Variants in SLC4A10 observed in about 807,000 individuals in gnomAD.
SLC4A10 encodes sodium-driven chloride bicarbonate exchanger.
Under a neutral mutation model 137.7 loss-of-function variants are expected in SLC4A10, and 42 were observed. That is an observed-to-expected ratio of 0.30 (90% CI 0.24 to 0.39). SLC4A10 has a LOEUF of 0.39. Among genes scored for constraint, SLC4A10 ranks in the 10% least tolerant of loss-of-function variants. The probability of loss-of-function intolerance (pLI) is 1.00; values close to 1 mark genes in which losing one functional copy is unlikely to be tolerated. For missense variants in SLC4A10, 925 were observed against 1,355.0 expected (o/e 0.68, Z 4.98); for synonymous variants, 474 against 464.1 (o/e 1.02, Z -0.27).
intron 10 of SLC4A10, among the ~76,000 whole-genome samples, chr2:161,889,620 G>T (rs1250532461): frequency 6.6e-6 from 1 of 152,156 alleles, no homozygotes; most frequent in Non-Finnish European, 1.5e-5. Context: ...TGTGGGATCA[G>T]TGGTGATCTC....
intron 1 of SLC4A10, among the ~76,000 whole-genome samples, chr2:161,648,846 C>T (rs1194387452): frequency 6.6e-6 from 1 of 152,088 alleles, no homozygotes; most frequent in East Asian, 1.9e-4. Flanking sequence ...GTCTGTGTAA[C>T]TATTTCTCTA....
In SLC4A10 at chr2:161,933,011, A is replaced by G. The variant is rs963407278; in HGVS notation, c.1998-9781A>G. 7.2e-5 allele frequency among the ~76,000 whole-genome samples: 11 copies of G among 152,138 alleles called. No individual in the cohort carries two copies. In the South Asian group the frequency reaches 1.2e-3, roughly 17 times the overall value. ...TGCCTGGCTTATTCCACTTAACATA[A>G]TGTCCTTGAAATTCATCCAAATTGT... is the stretch of plus-strand genomic sequence containing the variant. On this transcript the variant is annotated intron_variant, in intron 15 of 26. Transcript: ENST00000446997.
In SLC4A10 at chr2:161,910,407, A is replaced by G. The variant is rs188041422; in HGVS notation, c.1997+4520A>G. Reference sequence around the variant, plus strand: ...AAGCTGAATATGCCAAGTTAGCAATAAAAAACAAGTTTATGGGAATAATCT... The same window carrying G: ...AAGCTGAATATGCCAAGTTAGCAATGAAAAACAAGTTTATGGGAATAATCT... On this transcript the variant is annotated intron_variant, in intron 15 of 26. Transcript: ENST00000446997. Among the ~76,000 whole-genome samples, 603 of 152,268 alleles carry G rather than the reference A, an allele frequency of 4.0e-3. 4 individuals are homozygous for G. Among genetic ancestry groups the G allele is most frequent in the South Asian group, 5.6e-3 (27 of 4,830 alleles).
chr2:161,797,278 T>A (rs1166937978), intron 2 of SLC4A10, among the ~76,000 whole-genome samples: 1 of 152,092 alleles, frequency 6.6e-6, no homozygotes, highest in Non-Finnish European at 1.5e-5. Context: ...TTTTTCTAAA[T>A]TTTTCACTCC....
At chr2:161,911,714 T>C (rs1178796854) in intron 15 of SLC4A10, among the ~76,000 whole-genome samples, 1 of 152,142 alleles carries the variant, frequency 6.6e-6, no homozygotes, top group Non-Finnish European at 1.5e-5. Flanking sequence ...GTACCTACTG[T>C]ACCTAGCAAA....
chr2:161,843,289 G>A (rs915677324), intron 4 of SLC4A10, among the ~76,000 whole-genome samples: 2 of 152,106 alleles, frequency 1.3e-5, no homozygotes, highest in Non-Finnish European at 2.9e-5. Flanking sequence ...TGAGCAGGTA[G>A]GTTTTTGTTA....
chr2:161,645,397 T>C (rs1042936890), intron 1 of SLC4A10, among the ~76,000 whole-genome samples: 2 of 152,180 alleles, frequency 1.3e-5, no homozygotes, highest in East Asian at 3.9e-4. Context: ...TATATATGGA[T>C]TATGACAAAA....
chr2:161,641,549 T>C (rs546942376), intron 1 of SLC4A10, among the ~76,000 whole-genome samples: 2 of 152,280 alleles, frequency 1.3e-5, no homozygotes, highest in East Asian at 3.9e-4. Context: ...AGTAATCTTG[T>C]AGCAGTTATA....
intron 13 of SLC4A10, 131 bp from the exon 14 acceptor site, chr2:161,904,645 C>A: frequency 9.2e-7 from 1 of 1,085,134 alleles, no homozygotes; most frequent in Non-Finnish European, 1.3e-6. Context: ...TACCCCACGT[C>A]TTGCCCAGGG....
intron 26 of SLC4A10, 123 bp downstream of exon 26, chr2:161,977,883 G>A (rs139739291): frequency 8.5e-5 from 66 of 775,986 alleles, no homozygotes; most frequent in Non-Finnish European, 1.2e-4. Context: ...GGCATGGAGA[G>A]TGTTGGGCTC....
At chr2:161,645,874 A>G (rs2035962052) in intron 1 of SLC4A10, among the ~76,000 whole-genome samples, 1 of 152,028 alleles carries the variant, frequency 6.6e-6, no homozygotes, top group Admixed American at 6.5e-5. Flanking sequence ...GAGAATCTGT[A>G]TTATTTACAA....
chr2:161,649,542 T>C (rs561818037), intron 1 of SLC4A10, among the ~76,000 whole-genome samples: 8 of 152,336 alleles, frequency 5.3e-5, no homozygotes, highest in Non-Finnish European at 8.8e-5. Context: ...TTAAGACTTA[T>C]AGATTCTGAC....
At chr2:161,811,032 C>T (rs1370314685) in intron 3 of SLC4A10, among the ~76,000 whole-genome samples, 1 of 151,596 alleles carries the variant, frequency 6.6e-6, no homozygotes, top group Non-Finnish European at 1.5e-5. Context: ...TTAAAATTAC[C>T]GATTCAATTT....
intron 1 of SLC4A10, among the ~76,000 whole-genome samples, chr2:161,682,947 A>G (rs1053696936): frequency 2.6e-5 from 4 of 152,046 alleles, no homozygotes; most frequent in Admixed American, 6.6e-5. Flanking sequence ...TAAATATCAT[A>G]AAATGTATAT....
intron 3 of SLC4A10, among the ~76,000 whole-genome samples, chr2:161,832,044 A>G (rs1437874170): frequency 1.3e-5 from 2 of 152,244 alleles, no homozygotes; most frequent in Middle Eastern, 3.4e-3. Context: ...TAGGTTTTTT[A>G]TCTTTATACA....
At chr2:161,804,284 G>A (rs11885877) in intron 2 of SLC4A10, among the ~76,000 whole-genome samples, 165 bp from the exon 3 acceptor site, 5,065 of 152,154 alleles carry the variant, frequency 0.033, 107 homozygotes, top group African/African-American at 0.048. Flanking sequence ...ACTTAATTAG[G>A]TAAAATGCCA....
intron 2 of SLC4A10, among the ~76,000 whole-genome samples, chr2:161,787,752 T>C (rs2125513607): frequency 6.6e-6 from 1 of 152,320 alleles, no homozygotes; most frequent in Non-Finnish European, 1.5e-5. Flanking sequence ...TTTTGTGAAT[T>C]TTTTTATTTT....
chr2:161,904,944 T>C (rs1683989323), intron 14 of SLC4A10, 35 bp downstream of exon 14: 1 of 1,607,644 alleles, frequency 6.2e-7, no homozygotes, highest in Admixed American at 1.7e-5. Flanking sequence ...CTTAGCCTCT[T>C]CCTTTTTTCT....
chr2:161,936,651 T>G (rs1268832864), intron 15 of SLC4A10, among the ~76,000 whole-genome samples: 1 of 152,128 alleles, frequency 6.6e-6, no homozygotes, highest in African/African-American at 2.4e-5. Flanking sequence ...ATTTCTGATT[T>G]TATTTGTTTG....
Sources: gnomAD v4.1 joint callset for allele counts (sites outside exome capture counted in the v4.1 genomes callset) on GRCh38, gnomAD v4.1.1 for gene constraint, MANE v1.5 for transcripts, NCBI Gene and HGNC (gene_info 2026-07-23, HGNC 2026-07-21) for gene names.